Variants in FAT1 observed in about 807,000 individuals in gnomAD.
FAT1 encodes protocadherin Fat 1.
FAT1 carries 171 observed loss-of-function variants against 329.8 expected under a neutral mutation model. That is an observed-to-expected ratio of 0.52 (90% CI 0.46 to 0.59). The LOEUF (loss-of-function observed/expected upper bound fraction) is 0.59. Among genes scored for constraint, FAT1 ranks in the 20% least tolerant of loss-of-function variants. FAT1 has a pLI of 0.00. For synonymous variants in FAT1, 2,233 were observed against 2,228.6 expected, an observed-to-expected ratio of 1.00 and a Z score of -0.06; for missense variants, 5,672 against 5,774.4, an observed-to-expected ratio of 0.98 and a Z score of 0.57.
rs2126492796 is a variant in FAT1, at chr4:186,618,243, C to A, written c.8343G>T (p.Arg2781Ser). 1 of 1,614,022 alleles carries A rather than the reference C, an allele frequency of 6.2e-7. No homozygotes were observed. The highest frequency in any genetic ancestry group is 8.5e-7 in the Non-Finnish European group (1 of 1,179,904). ...CCATCTCATGGTCATCTTGAGTGCACCTGGCCAGTATGGAAAACTGATACC... is the reference window on the plus strand; with the variant it reads ...CCATCTCATGGTCATCTTGAGTGCAACTGGCCAGTATGGAAAACTGATACC... ...TKWYQFSILA[R>S]CTQDDHEMVA... The change falls in exon 10 of 27, where the codon AGG becomes AGT. Residue 2781 changes from arginine to serine, a missense_variant. By Grantham distance (110) the Arg-to-Ser change is moderately radical (BLOSUM62 -1). Around this residue, in one of 2 missense-constraint regions of FAT1, gnomAD observed 3,966 missense variants for 3,915.2 expected, o/e 1.01. Transcript: ENST00000441802.
rs745998808 is a variant in FAT1, at chr4:186,709,579, G to C, written c.249C>G (p.Phe83Leu). The C allele has an allele frequency of 1.2e-6, 2 of 1,613,896 alleles. No individual in the cohort carries two copies. The highest frequency in any genetic ancestry group is 4.5e-5 in the East Asian group (2 of 44,866). ...KIVSGDSENLFKAEEYILGDF... is the reference protein window; with the variant it reads ...KIVSGDSENLLKAEEYILGDF... ...CTCCGAGAATGTACTCTTCAGCTTTGAACAGGTTTTCACTGTCTCCGGAAA... is the reference window on the plus strand; with the variant it reads ...CTCCGAGAATGTACTCTTCAGCTTTCAACAGGTTTTCACTGTCTCCGGAAA... The change falls in exon 2 of 27, where the codon TTC (phenylalanine) becomes TTG (leucine). Residue 83 changes from phenylalanine to leucine, a missense_variant. By Grantham distance (22) the Phe-to-Leu change is conservative. Transcript: ENST00000441802.
chr4:186,611,042 TG>T (rs1253957499), intron 14 of FAT1, among the ~76,000 whole-genome samples: 10 of 152,220 alleles, frequency 6.6e-5, no homozygotes, highest in African/African-American at 2.2e-4. Context: ...TCCATGAGTC[TG>T]ATTACATAAG....
intron 1 of FAT1, among the ~76,000 whole-genome samples, chr4:186,718,630 G>T (rs1745328402): frequency 6.6e-6 from 1 of 152,170 alleles, no homozygotes; most frequent in Admixed American, 6.5e-5. Context: ...TTGCGCCACT[G>T]CACTCCAGCC....
rs984851537 is a variant in FAT1 at position 186,704,350 on chromosome 4, AT to A, written c.3265+2212del. Reference sequence around the variant, plus strand: ...ACCTCGTTTGGCTGGTTGTTTCCTTATTTTTTTTTTCTTGGTAGTAAAAATA... The same window carrying A: ...ACCTCGTTTGGCTGGTTGTTTCCTTATTTTTTTTTCTTGGTAGTAAAAATA... On this transcript the variant is annotated intron_variant, in intron 2 of 26. Transcript: ENST00000441802. Among the ~76,000 whole-genome samples, 25 of 149,610 alleles carry A rather than the reference AT, an allele frequency of 1.7e-4. No individual in the cohort carries two copies. In the East Asian group the frequency reaches 2.2e-3, roughly 13 times the overall value.
intron 3 of FAT1, among the ~76,000 whole-genome samples, chr4:186,657,001 A>G (rs1264969192): frequency 1.3e-5 from 2 of 152,172 alleles, no homozygotes; most frequent in Non-Finnish European, 2.9e-5. Flanking sequence ...AAATGAATGC[A>G]CTGGCAGTTG....
chr4:186,671,660 T>C (rs1742734580), intron 2 of FAT1, among the ~76,000 whole-genome samples: 1 of 151,758 alleles, frequency 6.6e-6, no homozygotes, highest in South Asian at 2.1e-4. Context: ...GACGTGTCAT[T>C]GCACTGCAGC....
intron 24 of FAT1, 42 bp from the exon 25 acceptor site, chr4:186,597,213 A>G (rs1259389640): frequency 6.6e-7 from 1 of 1,518,712 alleles, no homozygotes; most frequent in South Asian, 1.3e-5. Context: ...TCTGTAGCAT[A>G]CGCCAGCGTA....
At chr4:186,626,109 A>G (rs1740291994) in intron 9 of FAT1, among the ~76,000 whole-genome samples, 1 of 104,090 alleles carries the variant, frequency 9.6e-6, no homozygotes. Flanking sequence ...TGAATGAGGG[A>G]CCAACATGGC....
intron 6 of FAT1, among the ~76,000 whole-genome samples, chr4:186,634,062 A>G (rs1036298211): frequency 4.6e-5 from 7 of 152,250 alleles, no homozygotes; most frequent in African/African-American, 1.4e-4. Flanking sequence ...AGCAACTCTG[A>G]AAACAAAGAC....
intron 3 of FAT1, among the ~76,000 whole-genome samples, chr4:186,656,575 A>C (rs1170646406): frequency 6.6e-6 from 1 of 152,216 alleles, no homozygotes; most frequent in Non-Finnish European, 1.5e-5. Context: ...ACACGTCACA[A>C]ACACACATCT....
chr4:186,610,093 C>T (rs781604893), intron 14 of FAT1, 78 bp from the exon 15 acceptor site: 1 of 803,632 alleles, frequency 1.2e-6, no homozygotes, highest in South Asian at 1.6e-5. Flanking sequence ...TAGATGAATG[C>T]TTTTGAGTAC....
At chr4:186,686,792 T>C (rs1314894289) in intron 2 of FAT1, among the ~76,000 whole-genome samples, 1 of 152,214 alleles carries the variant, frequency 6.6e-6, no homozygotes, top group Non-Finnish European at 1.5e-5. Flanking sequence ...TTGGATCCAA[T>C]CACTACACTG....
chr4:186,709,807 C>T lies in FAT1; in HGVS notation c.21G>A (p.Leu7=), dbSNP rs2126706875. Reference sequence around the variant, plus strand: ...GGAAGAGAAGGAGCAGAAGCAGGAGCAAAGCCAAATGTCTCCCCATTGCTT... The same window carrying T: ...GGAAGAGAAGGAGCAGAAGCAGGAGTAAAGCCAAATGTCTCCCCATTGCTT... MGRHLA[L]LLLLLLLFQH... is the part of the protein sequence containing the mutation. The change falls in exon 2 of 27, where the codon TTG becomes TTA. Residue 7 remains leucine (L), a synonymous_variant. Transcript: ENST00000441802. 2 of 1,605,542 alleles carry T rather than the reference C, an allele frequency of 1.2e-6. No homozygotes were observed. Among genetic ancestry groups the T allele is most frequent in the Non-Finnish European group, 8.5e-7 (1 of 1,175,082 alleles).
chr4:186,603,078 A>T, intron 19 of FAT1, 44 bp from the exon 20 acceptor site: 4 of 1,612,696 alleles, frequency 2.5e-6, no homozygotes, highest in Non-Finnish European at 8.5e-7. Context: ...ATTAACAGAC[A>T]TTTCAAGAAC....
chr4:186,711,881 C>G (rs987870197), intron 1 of FAT1, among the ~76,000 whole-genome samples: 5 of 152,174 alleles, frequency 3.3e-5, no homozygotes, highest in Non-Finnish European at 5.9e-5. Context: ...GATCGCGCCA[C>G]TGCACTCCAG....
At chr4:186,649,090 A>C (rs1741509199) in intron 3 of FAT1, among the ~76,000 whole-genome samples, 1 of 150,556 alleles carries the variant, frequency 6.6e-6, no homozygotes, top group African/African-American at 2.4e-5. Context: ...GTACCATAAG[A>C]AGCATAATTA....
chr4:186,676,357 C>T (rs965722032), intron 2 of FAT1, among the ~76,000 whole-genome samples: 1 of 151,004 alleles, frequency 6.6e-6, no homozygotes. Flanking sequence ...TTAATTTTAT[C>T]TTCTTCCTGT....
chr4:186,644,792 G>A (rs1034303544), intron 3 of FAT1, among the ~76,000 whole-genome samples: 1 of 152,210 alleles, frequency 6.6e-6, no homozygotes, highest in East Asian at 1.9e-4. Context: ...AGACGTAAAA[G>A]TGAACATCAA....
intron 4 of FAT1, among the ~76,000 whole-genome samples, chr4:186,637,123 C>T (rs567322018): frequency 3.9e-5 from 6 of 152,058 alleles, no homozygotes; most frequent in African/African-American, 7.2e-5. Context: ...GTCAGGGGGC[C>T]GGGCATGGCT....
Sources: allele counts gnomAD v4.1 joint callset (sites outside exome capture counted in the v4.1 genomes callset), GRCh38; gene constraint gnomAD v4.1.1; regional missense constraint gnomAD v4.1.1; transcripts MANE v1.5; gene names NCBI Gene and HGNC (gene_info 2026-07-23, HGNC 2026-07-21).